Variants in ANKRD11 observed in about 807,000 individuals in gnomAD.
The protein encoded by ANKRD11 is ankyrin repeat domain 11, also known as ankyrin repeat domain-containing protein 11.
In ANKRD11, 17 loss-of-function variants were observed where a neutral mutation model predicts 195.7. That is an observed-to-expected ratio of 0.09 (90% CI 0.06 to 0.13). ANKRD11 has a LOEUF of 0.13. Among genes scored for constraint, ANKRD11 ranks in the 10% least tolerant of loss-of-function variants. The pLI, the probability that ANKRD11 is intolerant of heterozygous loss-of-function variation, is 1.00. For synonymous variants in ANKRD11, 1,953 were observed against 1,528.1 expected (o/e 1.28, Z -6.49); for missense variants, 3,735 against 3,566.1 (o/e 1.05, Z -1.21).
At chr16:89,328,636 G>A (rs550542474) in intron 2 of ANKRD11, among the ~76,000 whole-genome samples, 1 of 151,174 alleles carries the variant, frequency 6.6e-6, no homozygotes, top group South Asian at 2.1e-4. Flanking sequence ...ACACACCCAG[G>A]AGCACGGGCG....
At chr16:89,348,384 T>C (rs1423628904) in intron 2 of ANKRD11, among the ~76,000 whole-genome samples, 1 of 152,218 alleles carries the variant, frequency 6.6e-6, no homozygotes, top group Non-Finnish European at 1.5e-5. Context: ...ATCGCTATCC[T>C]TTCTATCTCC....
chr16:89,456,830 C>A lies in ANKRD11; in HGVS notation c.-145+33415G>T, dbSNP rs192276243. 4.6e-5 allele frequency among the ~76,000 whole-genome samples: 7 copies of A among 152,176 alleles called. No homozygotes were observed. The East Asian group carries it at 1.4e-3, about 29-fold the overall frequency. Reference sequence around the variant, plus strand: ...CTGCGGAGAAGTGGAGCGCTTCCTTCGGGGGGAACAGAAATATCCTGGAAT... The same window carrying A: ...CTGCGGAGAAGTGGAGCGCTTCCTTAGGGGGGAACAGAAATATCCTGGAAT... On this transcript the variant is annotated intron_variant, in intron 1 of 12. Coordinates refer to ENST00000301030, the MANE Select transcript of ANKRD11 (RefSeq NM_013275.6).
intron 7 of ANKRD11, chr16:89,287,825 G>C (rs2034754376): frequency 4.3e-6 from 1 of 232,844 alleles, no homozygotes; most frequent in Admixed American, 5.1e-5. Flanking sequence ...CTCCAGCAAT[G>C]GCCAGGCTGG....
chr16:89,325,469 T>TCTCACA (rs57249774), intron 2 of ANKRD11, among the ~76,000 whole-genome samples: 10 of 147,742 alleles, frequency 6.8e-5, no homozygotes, highest in Admixed American at 2.7e-4. Flanking sequence ...TCTCTCTCTC[T>TCTCACA]CACACACACA....
At chr16:89,276,120 G>C (rs1442445009) in intron 9 of ANKRD11, among the ~76,000 whole-genome samples, 4 of 152,230 alleles carry the variant, frequency 2.6e-5, no homozygotes, top group African/African-American at 9.6e-5. Context: ...GAGCGCACGG[G>C]GCAGATGGGC....
chr16:89,489,327 G>T (rs1056676621), intron 1 of ANKRD11: 5 of 152,170 alleles, frequency 3.3e-5, no homozygotes, highest in African/African-American at 9.7e-5. Context: ...TTCAGGCAAC[G>T]TCTCACATTG....
chr16:89,450,227 G>A (rs1395418825), intron 1 of ANKRD11, among the ~76,000 whole-genome samples: 1 of 152,092 alleles, frequency 6.6e-6, no homozygotes, highest in Non-Finnish European at 1.5e-5. Flanking sequence ...CTCAGACCGG[G>A]GAGCCAGATG....
intron 1 of ANKRD11, among the ~76,000 whole-genome samples, chr16:89,433,224 T>C (rs2043072910): frequency 6.6e-6 from 1 of 152,182 alleles, no homozygotes; most frequent in African/African-American, 2.4e-5. Context: ...CAAGAGGGTT[T>C]CATGACAAGG....
chr16:89,301,676 T>G (rs2035863374), intron 4 of ANKRD11: 1 of 398,564 alleles, frequency 2.5e-6, no homozygotes, highest in Non-Finnish European at 4.4e-6. Context: ...TGCTCACGTC[T>G]GCCTGGACAG....
At chr16:89,311,034 A>T (rs955271713) in intron 3 of ANKRD11, among the ~76,000 whole-genome samples, 1 of 152,260 alleles carries the variant, frequency 6.6e-6, no homozygotes, top group Non-Finnish European at 1.5e-5. Flanking sequence ...AGGTTTTCAC[A>T]GATGCTCTCT....
rs1288521136 is a variant in ANKRD11, at chr16:89,268,376, C to A, written c.*102G>T. The stretch of plus-strand genomic sequence containing the variant: ...TGCAGTCTCTCTCGGGGTCTCTCCC[C>A]GCCCGGGTGGACAGGGCGCTCCCTC... On this transcript the variant is annotated 3_prime_UTR_variant, in exon 13 of 13. Transcript: ENST00000301030. The A allele has an allele frequency of 1.7e-6, 1 of 571,726 alleles. No homozygotes were observed. The allele number at this position is 571,726 out of a possible 1,614,324, so 35.4% of individuals were successfully genotyped here.
chr16:89,405,190 T>A (rs1483778421), intron 2 of ANKRD11, among the ~76,000 whole-genome samples: 1 of 151,558 alleles, frequency 6.6e-6, no homozygotes, highest in Non-Finnish European at 1.5e-5. Context: ...CAAGACTCCA[T>A]CTCAAAAAAA....
chr16:89,289,473 T>C (rs2034882308), intron 6 of ANKRD11, among the ~76,000 whole-genome samples: 1 of 152,170 alleles, frequency 6.6e-6, no homozygotes, highest in Non-Finnish European at 1.5e-5. Context: ...AAAGGGAATA[T>C]TAAACTCTAA....
rs533361737 is a variant in ANKRD11 at position 89,287,261 on chromosome 16, T to A, written c.745-1075A>T. On this transcript the variant is annotated intron_variant, in intron 7 of 12. Transcript: ENST00000301030. ...GTTCTAACCTCTCCTGCTTCTGGCATCTCTCAGACTCAGCAGGAAAGGCTC... is the reference window on the plus strand; with the variant it reads ...GTTCTAACCTCTCCTGCTTCTGGCAACTCTCAGACTCAGCAGGAAAGGCTC... 50 of 401,746 alleles carry A rather than the reference T, an allele frequency of 1.2e-4. 1 individual carries two copies. In the Admixed American group the frequency reaches 1.9e-3, roughly 15 times the overall value. 24.9% of individuals were successfully genotyped at this position (401,746 alleles called of 1,614,324 possible).
chr16:89,273,553 C>T (rs532864549), intron 11 of ANKRD11, among the ~76,000 whole-genome samples: 15 of 152,134 alleles, frequency 9.9e-5, no homozygotes, highest in African/African-American at 2.7e-4. Context: ...AAAAATCAGC[C>T]GGGCATGGTA....
chr16:89,310,518 A>G (rs1408223421), intron 3 of ANKRD11, among the ~76,000 whole-genome samples: 1 of 152,238 alleles, frequency 6.6e-6, no homozygotes, highest in African/African-American at 2.4e-5. Flanking sequence ...CTGAATCTGT[A>G]CATCAATGTG....
intron 6 of ANKRD11, 40 bp from the exon 7 acceptor site, chr16:89,288,710 A>C (rs777966539): frequency 6.2e-7 from 1 of 1,613,636 alleles, no homozygotes; most frequent in Non-Finnish European, 8.5e-7. Flanking sequence ...TTTAATCCTC[A>C]GAACTTCCCT....
intron 2 of ANKRD11, among the ~76,000 whole-genome samples, chr16:89,332,079 G>C (rs2038096960): frequency 6.6e-6 from 1 of 152,062 alleles, no homozygotes; most frequent in Non-Finnish European, 1.5e-5. Context: ...TTCGATCCCA[G>C]GAGTTTGAGA....
intron 2 of ANKRD11, among the ~76,000 whole-genome samples, chr16:89,359,006 G>C (rs965847575): frequency 6.6e-6 from 1 of 151,964 alleles, no homozygotes; most frequent in Non-Finnish European, 1.5e-5. Context: ...TCTATTTTTT[G>C]TAAAGACAAG....
Sources: gnomAD v4.1 joint callset for allele counts (sites outside exome capture counted in the v4.1 genomes callset) on GRCh38, gnomAD v4.1.1 for gene constraint, MANE v1.5 for transcripts, NCBI Gene and HGNC (gene_info 2026-07-23, HGNC 2026-07-21) for gene names.